Variants in FAM110B observed in about 807,000 individuals in gnomAD.
FAM110B encodes family with sequence similarity 110 member B.
FAM110B carries 6 observed loss-of-function variants against 20.4 expected under a neutral mutation model. The observed-to-expected ratio is 0.29, with a 90% CI of 0.16 to 0.58. The LOEUF (loss-of-function observed/expected upper bound fraction) is 0.58. Among genes scored for constraint, FAM110B ranks in the 20% least tolerant of loss-of-function variants. The pLI is 0.90. For missense variants in FAM110B, 434 were observed against 498.2 expected, an observed-to-expected ratio of 0.87 and a Z score of 1.23; for synonymous variants, 226 against 214.1, an observed-to-expected ratio of 1.06 and a Z score of -0.49.
chr8:58,062,091 G>A (rs1805668667), intron 2 of FAM110B, among the ~76,000 whole-genome samples: 1 of 152,162 alleles, frequency 6.6e-6, no homozygotes, highest in East Asian at 1.9e-4. Context: ...GCAGCAGACT[G>A]ACACTTCTGA....
intron 2 of FAM110B, among the ~76,000 whole-genome samples, chr8:58,039,379 T>G (rs112063023): frequency 1.3e-5 from 2 of 152,338 alleles, no homozygotes; most frequent in African/African-American, 4.8e-5. Flanking sequence ...GAGTCCACCC[T>G]GGAGCACCAC....
intron 3 of FAM110B, among the ~76,000 whole-genome samples, chr8:58,080,603 A>G (rs894727583): frequency 2.0e-5 from 3 of 152,230 alleles, no homozygotes; most frequent in African/African-American, 7.2e-5. Flanking sequence ...GATGCTTGCC[A>G]GGACCCTGTG....
chr8:58,068,112 A>G (rs1805809055), intron 2 of FAM110B, among the ~76,000 whole-genome samples: 1 of 152,210 alleles, frequency 6.6e-6, no homozygotes, highest in Admixed American at 6.5e-5. Flanking sequence ...AAGCTGTTAG[A>G]TGTTTCCTAG....
At chr8:58,059,009 G>A (rs1338418228) in intron 2 of FAM110B, among the ~76,000 whole-genome samples, 1 of 152,132 alleles carries the variant, frequency 6.6e-6, no homozygotes, top group Non-Finnish European at 1.5e-5. Flanking sequence ...ATAATCGTGA[G>A]TTAGTTGTAT....
rs529471589 is a variant in FAM110B, at chr8:58,139,930, A to AAATAAT, written c.-324-5962_-324-5957dup. On this transcript the variant is annotated intron_variant, in intron 3 of 3. Transcript: ENST00000519262. ...GGGCAACAGAACGAGACTCTGTTTT[A>AAATAAT]AATAATAATAATAATAATAAATGTC... is the stretch of plus-strand genomic sequence containing the variant. 8.9e-4 allele frequency among the ~76,000 whole-genome samples: 135 copies of AAATAAT among 152,056 alleles called. 1 individual carries two copies. The highest frequency in any genetic ancestry group is 2.9e-3 in the African/African-American group (120 of 41,486).
intron 2 of FAM110B, among the ~76,000 whole-genome samples, chr8:58,052,013 C>T (rs1045499339): frequency 3.0e-4 from 46 of 152,224 alleles, no homozygotes; most frequent in Non-Finnish European, 7.3e-5. Flanking sequence ...ATCACATACT[C>T]TAATTTTCTT....
intron 3 of FAM110B, among the ~76,000 whole-genome samples, chr8:58,102,529 G>C (rs1345392000): frequency 6.6e-6 from 1 of 152,142 alleles, no homozygotes; most frequent in Non-Finnish European, 1.5e-5. Flanking sequence ...TATGATTCCT[G>C]ACTACGAAAA....
intron 3 of FAM110B, among the ~76,000 whole-genome samples, chr8:58,140,529 C>G (rs1396639513): frequency 1.3e-5 from 2 of 152,178 alleles, no homozygotes; most frequent in Non-Finnish European, 2.9e-5. Flanking sequence ...TGACCCCTTC[C>G]CTGGGAAGCT....
intron 3 of FAM110B, among the ~76,000 whole-genome samples, chr8:58,083,096 C>T (rs969538044): frequency 5.9e-5 from 9 of 151,966 alleles, no homozygotes; most frequent in African/African-American, 1.9e-4. Context: ...AGTCACTGTA[C>T]GTTGCTCATC....
intron 1 of FAM110B, among the ~76,000 whole-genome samples, chr8:58,018,809 A>AATAGATAGATAGATAG (rs59685703): frequency 6.8e-5 from 10 of 148,050 alleles, no homozygotes; most frequent in African/African-American, 1.8e-4. Flanking sequence ...TAGGGATTAC[A>AATAGATAGATAGATAG]ATAGATAGAT....
At chr8:58,097,950 AC>A (rs1806674902) in intron 3 of FAM110B, among the ~76,000 whole-genome samples, 1 of 152,128 alleles carries the variant, frequency 6.6e-6, no homozygotes, top group Non-Finnish European at 1.5e-5. Context: ...CCAGAGGGGC[AC>A]CCGCCAGATG....
intron 3 of FAM110B, among the ~76,000 whole-genome samples, chr8:58,141,263 G>A (rs550535301): frequency 1.3e-5 from 2 of 152,156 alleles, no homozygotes; most frequent in African/African-American, 2.4e-5. Flanking sequence ...TATTGTAAAC[G>A]TTTTGTTATC....
chr8:58,002,999 C>T (rs1242941486), intron 1 of FAM110B, among the ~76,000 whole-genome samples: 1 of 152,196 alleles, frequency 6.6e-6, no homozygotes, highest in East Asian at 1.9e-4. Flanking sequence ...TGTTTGATAG[C>T]ACTTTCCCCA....
In FAM110B at chr8:58,097,250, C is replaced by CT. The variant is rs2150607871; in HGVS notation, c.-325+21633dup. ...GAGGCTTTGTTCGTTCCTTTTCATTCTTTTTTCTCTAATCTTGTCTTCACA... is the reference window on the plus strand; with the variant it reads ...GAGGCTTTGTTCGTTCCTTTTCATTCTTTTTTTCTCTAATCTTGTCTTCACA... On this transcript the variant is annotated intron_variant, in intron 3 of 3. Coordinates refer to ENST00000519262, the MANE Select transcript of FAM110B (RefSeq NM_001377989.1). Among the ~76,000 whole-genome samples the CT allele has an allele frequency of 2.0e-5, 3 of 152,266 alleles. No homozygotes were observed. In the East Asian group the frequency reaches 5.8e-4, roughly 29 times the overall value.
intron 1 of FAM110B, among the ~76,000 whole-genome samples, chr8:57,999,822 G>T (rs971926616): frequency 6.6e-6 from 1 of 152,154 alleles, no homozygotes; most frequent in Admixed American, 6.5e-5. Flanking sequence ...TCTGGGCTTG[G>T]TGGTCTGGGA....
intron 2 of FAM110B, among the ~76,000 whole-genome samples, chr8:58,034,690 T>C (rs1339225694): frequency 4.6e-5 from 7 of 152,212 alleles, no homozygotes; most frequent in Non-Finnish European, 1.5e-5. Flanking sequence ...TGAGAAGTGT[T>C]TAAGGTATGT....
chr8:58,002,016 TAGAGAG>T (rs149988068), intron 1 of FAM110B, among the ~76,000 whole-genome samples: 2 of 149,690 alleles, frequency 1.3e-5, no homozygotes, highest in Non-Finnish European at 3.0e-5. Flanking sequence ...GCTAAGCAGC[TAGAGAG>T]AGAGAGAGAG....
In FAM110B at chr8:58,088,774, T is replaced by A. The variant is rs192689956; in HGVS notation, c.-325+13151T>A. Among the ~76,000 whole-genome samples, 14 of 152,314 alleles carry A rather than the reference T, an allele frequency of 9.2e-5. No homozygotes were observed. In the East Asian group the frequency reaches 2.7e-3, roughly 29 times the overall value. On this transcript the variant is annotated intron_variant, in intron 3 of 3. Transcript: ENST00000519262. ...CAAGTGATATTCTGTCCAAAAACTA[T>A]CAAGGACAGACTTCTCTGCTTTTAA...
In FAM110B at chr8:57,995,967, G is replaced by A. The variant is rs113460289; in HGVS notation, c.-512+1161G>A. On this transcript the variant is annotated intron_variant, in intron 1 of 3. Transcript: ENST00000519262. ...GGATAGTAGGACTTCCATTTTCTTC[G>A]TTTCCTTTGTTGGTGAAGAAGGTAT... Among the ~76,000 whole-genome samples the A allele has an allele frequency of 5.4e-3, 817 of 152,152 alleles. 9 individuals are homozygous for A. Among genetic ancestry groups the A allele is most frequent in the African/African-American group, 0.019 (768 of 41,464 alleles).
Sources: gnomAD v4.1 joint callset for allele counts (sites outside exome capture counted in the v4.1 genomes callset) on GRCh38, gnomAD v4.1.1 for gene constraint, MANE v1.5 for transcripts, NCBI Gene and HGNC (gene_info 2026-07-23, HGNC 2026-07-21) for gene names.